Variants in RIMS2 observed in about 807,000 individuals in gnomAD.
RIMS2 encodes the protein regulating synaptic membrane exocytosis protein 2.
In RIMS2, 59 loss-of-function variants were observed where a neutral mutation model predicts 174.4. The observed-to-expected ratio is 0.34, with a 90% CI of 0.27 to 0.42. The LOEUF is 0.42. Ranked by LOEUF, RIMS2 falls within the 10% of genes least tolerant of loss-of-function variation. The pLI is 1.00. For missense variants in RIMS2, 1,620 were observed against 1,666.3 expected, an observed-to-expected ratio of 0.97 and a Z score of 0.48; for synonymous variants, 606 against 572.5, an observed-to-expected ratio of 1.06 and a Z score of -0.84.
At chr8:103,625,583 A>G (rs2134924093) in intron 1 of RIMS2, among the ~76,000 whole-genome samples, 1 of 152,282 alleles carries the variant, frequency 6.6e-6, no homozygotes, top group East Asian at 1.9e-4. Context: ...ATTATTTCTA[A>G]TGATAAAGAC....
intron 19 of RIMS2, among the ~76,000 whole-genome samples, chr8:104,090,328 G>C (rs1040999167): frequency 2.6e-5 from 4 of 151,712 alleles, no homozygotes; most frequent in Non-Finnish European, 5.9e-5. Context: ...ATGCTAACCT[G>C]TCTTTTAAAA....
chr8:103,948,518 A>G (rs1161977435), intron 14 of RIMS2, among the ~76,000 whole-genome samples: 1 of 152,220 alleles, frequency 6.6e-6, no homozygotes, highest in Non-Finnish European at 1.5e-5. Context: ...GCTACATACT[A>G]CAATATAGTC....
chr8:104,077,163 G>A (rs1239780843), intron 19 of RIMS2, among the ~76,000 whole-genome samples: 1 of 152,128 alleles, frequency 6.6e-6, no homozygotes, highest in Admixed American at 6.5e-5. Flanking sequence ...TAAAGTCTTA[G>A]AGCAGAGCTT....
intron 3 of RIMS2, among the ~76,000 whole-genome samples, chr8:103,833,152 G>GT (rs1182983239): frequency 6.6e-6 from 1 of 152,028 alleles, no homozygotes; most frequent in Admixed American, 6.5e-5. Context: ...TTGTTTGTTT[G>GT]TTTTTAAATT....
At chr8:103,762,058 A>T (rs1367459932) in intron 2 of RIMS2, among the ~76,000 whole-genome samples, 3 of 148,112 alleles carry the variant, frequency 2.0e-5, no homozygotes, top group African/African-American at 7.5e-5. Context: ...TATTCACTGC[A>T]GCTGTTATGG....
chr8:104,192,429 T>G (rs1427872420), intron 19 of RIMS2, among the ~76,000 whole-genome samples: 1 of 152,220 alleles, frequency 6.6e-6, no homozygotes, highest in African/African-American at 2.4e-5. Context: ...TCTTATACTT[T>G]AAATTTCATT....
rs530129395 is a variant in RIMS2, at chr8:104,162,185, A to G, written c.3335-82731A>G. On this transcript the variant is annotated intron_variant, in intron 19 of 23. Transcript: ENST00000504942. Reference sequence around the variant, plus strand: ...GGGACCATTCTGTCTACCAGAAATGATAGTAATAGATGAAAAGGTAAGGAA... The same window carrying G: ...GGGACCATTCTGTCTACCAGAAATGGTAGTAATAGATGAAAAGGTAAGGAA... Among the ~76,000 whole-genome samples the G allele has an allele frequency of 4.7e-4, 71 of 152,296 alleles. 1 individual carries two copies. In the South Asian group the frequency reaches 0.014, roughly 30 times the overall value.
intron 1 of RIMS2, among the ~76,000 whole-genome samples, chr8:103,533,673 A>AC (rs1174415414): frequency 1.3e-5 from 2 of 148,434 alleles, no homozygotes; most frequent in Non-Finnish European, 3.0e-5. Flanking sequence ...AAAAAAAAAA[A>AC]AAAAAAAAAG....
chr8:103,508,696 C>T (rs1392486400), intron 1 of RIMS2, among the ~76,000 whole-genome samples: 1 of 152,036 alleles, frequency 6.6e-6, no homozygotes, highest in Admixed American at 6.6e-5. Context: ...AAACCACTCT[C>T]ATTTAATAGA....
chr8:104,178,242 G>T (rs761556970), intron 19 of RIMS2, among the ~76,000 whole-genome samples: 18 of 152,206 alleles, frequency 1.2e-4, no homozygotes, highest in Non-Finnish European at 2.4e-4. Context: ...AACTTGTTTA[G>T]GTTGTTGGCA....
At chr8:103,554,374 G>T (rs1186284069) in intron 1 of RIMS2, among the ~76,000 whole-genome samples, 2 of 152,076 alleles carry the variant, frequency 1.3e-5, no homozygotes, top group East Asian at 3.9e-4. Context: ...TTAAAAAGTG[G>T]GCAAAGGACA....
chr8:103,858,229 G>A (rs2099038635), intron 3 of RIMS2, among the ~76,000 whole-genome samples: 3 of 152,136 alleles, frequency 2.0e-5, no homozygotes, highest in South Asian at 4.1e-4. Flanking sequence ...TGAGACATTG[G>A]CCTGGCATCT....
At chr8:103,518,844 C>T (rs1314009320) in intron 1 of RIMS2, among the ~76,000 whole-genome samples, 1 of 152,266 alleles carries the variant, frequency 6.6e-6, no homozygotes, top group Non-Finnish European at 1.5e-5. Flanking sequence ...TTCACTGGTA[C>T]TGCCTTGTAT....
At chr8:103,760,177 A>G (rs16870667) in intron 2 of RIMS2, among the ~76,000 whole-genome samples, 1,745 of 152,352 alleles carry the variant, frequency 0.011, 23 homozygotes, top group South Asian at 0.049. Context: ...GAAATGCTTA[A>G]GGTTAAAGCT....
At chr8:104,157,511 T>TTG (rs1302705011) in intron 19 of RIMS2, among the ~76,000 whole-genome samples, 1 of 152,204 alleles carries the variant, frequency 6.6e-6, no homozygotes, top group African/African-American at 2.4e-5. Flanking sequence ...CTCTTTTCAG[T>TTG]TGCAAAACTT....
chr8:103,969,311 G>A (rs898636238), intron 15 of RIMS2, among the ~76,000 whole-genome samples: 1 of 151,578 alleles, frequency 6.6e-6, no homozygotes, highest in Admixed American at 6.6e-5. Context: ...TTCTCTTTCT[G>A]GTATTCTCAT....
chr8:104,176,286 A>G (rs1343620641), intron 19 of RIMS2, among the ~76,000 whole-genome samples: 2 of 152,144 alleles, frequency 1.3e-5, no homozygotes, highest in Non-Finnish European at 2.9e-5. Flanking sequence ...CATCAAAATA[A>G]GTAAGATAAT....
rs189508504 is a variant in RIMS2 at position 103,910,253 on chromosome 8, C to G, written c.1692+52C>G. ...AATTTTCGTTATCATTTCACTTTTCCTTTTTTATTTACACCTTTGCATGTT... is the reference window on the plus strand; with the variant it reads ...AATTTTCGTTATCATTTCACTTTTCGTTTTTTATTTACACCTTTGCATGTT... On this transcript the variant is annotated intron_variant, in intron 5 of 23. Coordinates refer to ENST00000504942, the Ensembl canonical transcript of RIMS2. 12 of 1,518,796 alleles carry G rather than the reference C, an allele frequency of 7.9e-6. No homozygotes were observed. In the East Asian group the frequency reaches 2.7e-4, roughly 34 times the overall value. The allele number at this position is 1,518,796 out of a possible 1,614,324, so 94.1% of individuals were successfully genotyped here. A position where few individuals can be genotyped will look rare whatever the true frequency, so the allele number is the denominator to read the frequency against.
chr8:103,843,197 T>C (rs1286198758), intron 3 of RIMS2, among the ~76,000 whole-genome samples: 1 of 152,210 alleles, frequency 6.6e-6, no homozygotes, highest in Non-Finnish European at 1.5e-5. Context: ...TAAATCAACA[T>C]ATTTTCATGA....
Sources: gnomAD v4.1 joint callset for allele counts (sites outside exome capture counted in the v4.1 genomes callset) on GRCh38, gnomAD v4.1.1 for gene constraint, MANE v1.5 for transcripts, NCBI Gene and HGNC (gene_info 2026-07-23, HGNC 2026-07-21) for gene names.